The following DMXL1 variants were observed in gnomAD, a reference collection of about 807,000 sequenced individuals.
The protein encoded by DMXL1 is Dmx like 1, also known as dmX-like protein 1.
DMXL1 carries 99 observed loss-of-function variants against 319.2 expected under a neutral mutation model. The ratio of observed to expected loss-of-function variants is 0.31; its 90% CI spans 0.26 to 0.37. DMXL1 has a LOEUF of 0.37. DMXL1 is among the 10% of genes least tolerant of loss of function. DMXL1 has a pLI of 1.00. For missense variants in DMXL1, 3,745 were observed against 3,595.6 expected, an observed-to-expected ratio of 1.04 and a Z score of -1.06; for synonymous variants, 1,385 against 1,235.2, an observed-to-expected ratio of 1.12 and a Z score of -2.54.
chr5:119,231,801 TG>T (rs1160976809), intron 38 of DMXL1, among the ~76,000 whole-genome samples: 1 of 152,126 alleles, frequency 6.6e-6, no homozygotes, highest in Non-Finnish European at 1.5e-5. Flanking sequence ...AGAAGTTAGT[TG>T]GGGGTTTCTA....
At position 119,150,619 on chromosome 5, in the gene DMXL1, C is replaced by T. The variant is rs373635687; in HGVS notation, c.4594+198C>T. ...GTCTGGGCAACATAGTTGAGACCCC[C>T]ATCTCTATGAAAACAAAAAAAAATT... is the stretch of plus-strand genomic sequence containing the variant. On this transcript the variant is annotated intron_variant, in intron 18 of 43. Coordinates refer to ENST00000539542, the MANE Select transcript of DMXL1 (RefSeq NM_001290321.3). Among the ~76,000 whole-genome samples the T allele has an allele frequency of 3.3e-5, 5 of 151,710 alleles. No homozygotes were observed. In the East Asian group the frequency reaches 9.7e-4, roughly 29 times the overall value.
intron 37 of DMXL1, among the ~76,000 whole-genome samples, chr5:119,223,726 C>T (rs1343523891): frequency 2.6e-5 from 4 of 151,878 alleles, no homozygotes; most frequent in Non-Finnish European, 5.9e-5. Context: ...CTTTCAGAAA[C>T]TTTTTTAAAC....
chr5:119,111,911 A>G (rs1326995381), intron 5 of DMXL1, among the ~76,000 whole-genome samples: 1 of 152,236 alleles, frequency 6.6e-6, no homozygotes, highest in Non-Finnish European at 1.5e-5. Context: ...TAGTGTTTAG[A>G]GAAATAGGTG....
intron 13 of DMXL1, among the ~76,000 whole-genome samples, chr5:119,140,721 A>C (rs558571971): frequency 6.6e-6 from 1 of 152,138 alleles, no homozygotes; most frequent in Non-Finnish European, 1.5e-5. Flanking sequence ...ATTCCAAAAA[A>C]TTGAGGAGGA....
chr5:119,195,411 G>A (rs560488015), intron 30 of DMXL1, among the ~76,000 whole-genome samples: 2 of 152,304 alleles, frequency 1.3e-5, no homozygotes, highest in African/African-American at 2.4e-5. Flanking sequence ...GTATTATTCA[G>A]CCTTAGGAAG....
chr5:119,090,274 A>G (rs189422712), intron 1 of DMXL1, among the ~76,000 whole-genome samples: 2 of 150,032 alleles, frequency 1.3e-5, no homozygotes, highest in African/African-American at 4.9e-5. Context: ...GCCTGCCTCA[A>G]CCTCCCAAAG....
intron 1 of DMXL1, among the ~76,000 whole-genome samples, chr5:119,083,101 C>T (rs559213436): frequency 1.2e-4 from 18 of 152,252 alleles, no homozygotes; most frequent in African/African-American, 4.3e-4. Context: ...ACCTCTGCTT[C>T]CCAGGTTCAG....
chr5:119,187,945 C>T (rs1240908565), intron 28 of DMXL1, among the ~76,000 whole-genome samples: 13 of 152,154 alleles, frequency 8.5e-5, no homozygotes, highest in Admixed American at 2.0e-4. Context: ...CGTAAGCCAC[C>T]GCACCCAGCC....
At position 119,203,454 on chromosome 5, in the gene DMXL1, C is replaced by T; in HGVS notation, c.7863+18C>T. On this transcript the variant is annotated intron_variant, in intron 33 of 43. Coordinates refer to ENST00000539542, the MANE Select transcript of DMXL1 (RefSeq NM_001290321.3). ...TAAATGAGGTCTGTATAAGTTAAAA[C>T]CTGTTTACTATTTTATTATTGAAGT... 1.4e-6 allele frequency: 2 copies of T among 1,400,044 alleles called. No individual in the cohort carries two copies. The highest frequency in any genetic ancestry group is 2.0e-6 in the Non-Finnish European group (2 of 1,015,204). The allele number at this position is 1,400,044 out of a possible 1,614,324, so 86.7% of individuals were successfully genotyped here. A position where few individuals can be genotyped will look rare whatever the true frequency, so the allele number is the denominator to read the frequency against.
chr5:119,223,057 GT>G lies in DMXL1; in HGVS notation c.8278-1635del, dbSNP rs35683993. Among the ~76,000 whole-genome samples the G allele has an allele frequency of 9.2e-3, 1,139 of 123,386 alleles. 8 individuals carry two copies. Among genetic ancestry groups the G allele is most frequent in the Admixed American group, 0.026 (292 of 11,286 alleles). 80.9% of individuals were successfully genotyped at this position (123,386 alleles called of 152,430 possible). A position where few individuals can be genotyped will look rare whatever the true frequency, so the allele number is the denominator to read the frequency against. On this transcript the variant is annotated intron_variant, in intron 37 of 43. Transcript: ENST00000539542. ...TTGAAATTATTCATTACTTAGTTGT[GT>G]TTTTTTTTTTTTTTTTGAGATGGAG...
In DMXL1 at chr5:119,189,697, C is replaced by A. The variant is rs368715205; in HGVS notation, c.7136-11C>A. On this transcript the variant is annotated splice_polypyrimidine_tract_variant and intron_variant, in intron 28 of 43. Coordinates refer to ENST00000539542, the MANE Select transcript of DMXL1 (RefSeq NM_001290321.3). The stretch of plus-strand genomic sequence containing the variant: ...TAGTACTTCAGTAACATTTTATTTT[C>A]TTTTTGTTAGTTTCTTCACTAGTTG... 1.2e-6 allele frequency: 2 copies of A among 1,612,036 alleles called. No individual in the cohort carries two copies. The highest frequency in any genetic ancestry group is 1.7e-6 in the Non-Finnish European group (2 of 1,178,646).
chr5:119,115,568 C>T (rs1367424674), intron 6 of DMXL1, among the ~76,000 whole-genome samples: 3 of 152,124 alleles, frequency 2.0e-5, no homozygotes, highest in African/African-American at 7.2e-5. Flanking sequence ...GCTGTTTATT[C>T]TGATTGACTT....
chr5:119,114,728 G>T (rs958723385), intron 6 of DMXL1, among the ~76,000 whole-genome samples, 187 bp downstream of exon 6: 1 of 152,130 alleles, frequency 6.6e-6, no homozygotes, highest in East Asian at 1.9e-4. Flanking sequence ...GAGTGCAGTG[G>T]CACGATCTCG....
At chr5:119,130,851 A>G (rs561005183) in intron 10 of DMXL1, among the ~76,000 whole-genome samples, 1 of 152,138 alleles carries the variant, frequency 6.6e-6, no homozygotes, top group Non-Finnish European at 1.5e-5. Flanking sequence ...TGATTTCTAG[A>G]TGGGGAATTT....
At chr5:119,173,148 G>C (rs536700240) in intron 25 of DMXL1, among the ~76,000 whole-genome samples, 39 of 152,170 alleles carry the variant, frequency 2.6e-4, no homozygotes, top group African/African-American at 8.7e-4. Flanking sequence ...AGACCAGCCT[G>C]ACCAACATGG....
At chr5:119,122,370 C>G in intron 9 of DMXL1, among the ~76,000 whole-genome samples, 1 of 149,700 alleles carries the variant, frequency 6.7e-6, no homozygotes, top group South Asian at 2.1e-4. Flanking sequence ...GGGCTCCTCA[C>G]TTCCCAGTAG....
chr5:119,105,302 C>T (rs1758094083), intron 4 of DMXL1, 44 bp downstream of exon 4: 1 of 1,454,350 alleles, frequency 6.9e-7, no homozygotes. Context: ...TATCACTTGC[C>T]TAGTTGTTCT....
At chr5:119,240,651 T>A (rs917085052) in intron 42 of DMXL1, among the ~76,000 whole-genome samples, 180 bp downstream of exon 42, 4 of 152,204 alleles carry the variant, frequency 2.6e-5, no homozygotes, top group Admixed American at 6.5e-5. Flanking sequence ...CTCTTCACTA[T>A]ACCTTGATGG....
At chr5:119,123,537 A>G (rs1216716825) in intron 9 of DMXL1, among the ~76,000 whole-genome samples, 2 of 152,312 alleles carry the variant, frequency 1.3e-5, no homozygotes, top group African/African-American at 4.8e-5. Context: ...CTTTAAGGCC[A>G]TGACTTGACT....
Sources: gnomAD v4.1 joint callset for allele counts (sites outside exome capture counted in the v4.1 genomes callset) on GRCh38, gnomAD v4.1.1 for gene constraint, MANE v1.5 for transcripts, NCBI Gene and HGNC (gene_info 2026-07-23, HGNC 2026-07-21) for gene names.